NOMO2: variants seen among roughly 807,000 people sequenced by gnomAD.
NOMO2 encodes BOS complex subunit NOMO2.
A neutral mutation model predicts 67.1 loss-of-function variants in NOMO2; 14 were observed. That is an observed-to-expected ratio of 0.21 (90% confidence interval 0.14 to 0.33). The LOEUF is 0.33. Ranked by LOEUF, NOMO2 falls within the 10% of genes least tolerant of loss-of-function variation. NOMO2 has a pLI of 1.00. For missense variants in NOMO2, 178 were observed against 761.0 expected (o/e 0.23, Z 9.01); for synonymous variants, 80 against 305.9 (o/e 0.26, Z 7.71).
At chr16:18,536,597 C>T (rs376395991) in intron 11 of NOMO2, among the ~76,000 whole-genome samples, 7 of 151,974 alleles carry the variant, frequency 4.6e-5, no homozygotes, top group East Asian at 3.9e-4. Flanking sequence ...GCGATCCACC[C>T]GCCTCTGCCT....
chr16:18,544,329 T>G (rs866343918), intron 6 of NOMO2, among the ~76,000 whole-genome samples: 50 of 151,938 alleles, frequency 3.3e-4, no homozygotes, highest in Admixed American at 7.2e-4. Context: ...CTGCTTTATA[T>G]TCCTCTATAT....
chr16:18,560,677 T>G (rs1341042739), intron 1 of NOMO2, among the ~76,000 whole-genome samples: 2 of 151,678 alleles, frequency 1.3e-5, no homozygotes, highest in Non-Finnish European at 2.9e-5. Context: ...GTTAAAGAAA[T>G]GTATCTGCTG....
intron 1 of NOMO2, among the ~76,000 whole-genome samples, chr16:18,561,195 A>ACAC (rs1411856643): frequency 1.0e-5 from 1 of 100,378 alleles, no homozygotes; most frequent in South Asian, 3.5e-4. Flanking sequence ...AAAAAAAAAA[A>ACAC]AAAAAAAAAA....
At chr16:18,529,030 T>G in intron 15 of NOMO2, among the ~76,000 whole-genome samples, 1 of 25,634 alleles carries the variant, frequency 3.9e-5, no homozygotes, top group Non-Finnish European at 8.0e-5. Context: ...TATATATATA[T>G]ATATATATAT....
intron 6 of NOMO2, among the ~76,000 whole-genome samples, chr16:18,544,649 G>T (rs887252680): frequency 6.6e-6 from 1 of 151,992 alleles, no homozygotes; most frequent in African/African-American, 2.4e-5. Flanking sequence ...TTCCAATCAC[G>T]CAACAGTGCC....
intron 6 of NOMO2, among the ~76,000 whole-genome samples, chr16:18,544,846 G>A (rs1192736142): frequency 1.3e-5 from 2 of 151,786 alleles, no homozygotes; most frequent in Non-Finnish European, 2.9e-5. Flanking sequence ...GCAGCACAGG[G>A]CTTGTCACAA....
intron 9 of NOMO2, among the ~76,000 whole-genome samples, chr16:18,539,804 C>T (rs1901507640): frequency 6.6e-6 from 1 of 152,010 alleles, no homozygotes; most frequent in South Asian, 2.1e-4. Context: ...CACTGGCTCA[C>T]ACGTGGTCCC....
At chr16:18,553,036 G>A (rs1901824871) in intron 3 of NOMO2, among the ~76,000 whole-genome samples, 2 of 151,898 alleles carry the variant, frequency 1.3e-5, no homozygotes, top group Admixed American at 6.6e-5. Flanking sequence ...CACTTTGGGA[G>A]GCCAAAGCGG....
chr16:18,557,148 C>A (rs1318904139), intron 2 of NOMO2, among the ~76,000 whole-genome samples: 8 of 151,392 alleles, frequency 5.3e-5, no homozygotes, highest in South Asian at 2.1e-4. Context: ...AAAAAAACAA[C>A]AAAAAAAACC....
chr16:18,528,986 AAAATAC>A (rs2141718075), intron 15 of NOMO2, among the ~76,000 whole-genome samples: 4 of 89,834 alleles, frequency 4.5e-5, no homozygotes, highest in African/African-American at 1.6e-4. Context: ...AAAAAAAAAA[AAAATAC>A]ATATATATAT....
intron 11 of NOMO2, among the ~76,000 whole-genome samples, chr16:18,535,837 G>C (rs1005343231): frequency 1.3e-4 from 19 of 151,828 alleles, no homozygotes; most frequent in East Asian, 9.6e-4. Context: ...CACCCTGTCG[G>C]CCAGGCTGGA....
At chr16:18,534,154 T>C (rs1213782842) in intron 11 of NOMO2, among the ~76,000 whole-genome samples, 1 of 152,020 alleles carries the variant, frequency 6.6e-6, no homozygotes, top group East Asian at 1.9e-4. Context: ...TGGTGGAAGA[T>C]TGTGTATGTG....
intron 1 of NOMO2, among the ~76,000 whole-genome samples, 168 bp from the exon 2 acceptor site, chr16:18,557,959 C>T (rs1901949587): frequency 6.6e-6 from 1 of 152,050 alleles, no homozygotes; most frequent in Non-Finnish European, 1.5e-5. Context: ...CAAACTCTCT[C>T]CCAAATCATG....
intron 11 of NOMO2, among the ~76,000 whole-genome samples, chr16:18,537,197 A>G (rs1352757737): frequency 9.2e-5 from 14 of 152,164 alleles, no homozygotes; most frequent in Admixed American, 7.2e-4. Flanking sequence ...CTACAGACCA[A>G]TGTGGCCAAA....
At chr16:18,550,763 G>A (rs566001678) in intron 4 of NOMO2, among the ~76,000 whole-genome samples, 1 of 152,102 alleles carries the variant, frequency 6.6e-6, no homozygotes, top group Admixed American at 6.5e-5. Flanking sequence ...CTCTCTGGGA[G>A]AAGCTGACTT....
At chr16:18,528,067 T>C (rs1035151585) in intron 15 of NOMO2, 1 of 463,308 alleles carries the variant, frequency 2.2e-6, no homozygotes, top group African/African-American at 2.0e-5. Flanking sequence ...ACAATAGGGC[T>C]GCGCCTGAAT....
chr16:18,526,870 A>C (rs557904786), intron 16 of NOMO2, among the ~76,000 whole-genome samples: 94 of 152,170 alleles, frequency 6.2e-4, no homozygotes, highest in African/African-American at 2.2e-3. Context: ...TGTACATCTT[A>C]AATAGGTGAG....
intron 6 of NOMO2, among the ~76,000 whole-genome samples, chr16:18,544,871 A>T (rs1409236790): frequency 6.6e-6 from 1 of 151,902 alleles, no homozygotes; most frequent in Non-Finnish European, 1.5e-5. Flanking sequence ...GGCACTGGTT[A>T]CCCAACAGAA....
intron 11 of NOMO2, among the ~76,000 whole-genome samples, chr16:18,534,304 G>A (rs1449048209): frequency 1.9e-4 from 28 of 150,774 alleles, no homozygotes; most frequent in African/African-American, 6.3e-4. Context: ...ACTGCAAGCC[G>A]AGAAAAAGAA....
Sources: allele counts gnomAD v4.1 joint callset (sites outside exome capture counted in the v4.1 genomes callset), GRCh38; gene constraint gnomAD v4.1.1; transcripts MANE v1.5; gene names NCBI Gene and HGNC (gene_info 2026-07-23, HGNC 2026-07-21).